The following NLGN4X variants were observed in gnomAD, a reference collection of about 807,000 sequenced individuals.
NLGN4X encodes the protein neuroligin 4 X-linked, also known as neuroligin-4, X-linked.
Under a neutral mutation model 40.3 loss-of-function variants are expected in NLGN4X, and 3 were observed. That is an observed-to-expected ratio of 0.07 (90% confidence interval 0.03 to 0.19). The LOEUF is 0.19. Ranked by LOEUF, NLGN4X falls within the 10% of genes least tolerant of loss-of-function variation. The pLI is 1.00. For missense variants in NLGN4X, 382 were observed against 708.3 expected (o/e 0.54, Z 5.23); for synonymous variants, 270 against 306.8 (o/e 0.88, Z 1.25).
At chrX:6,096,975 GTT>G (rs1208006433) in intron 2 of NLGN4X, among the ~76,000 whole-genome samples, 1 of 101,098 alleles carries the variant, frequency 9.9e-6, no homozygotes, top group South Asian at 4.3e-4. Flanking sequence ...GTGTGTGTGT[GTT>G]TTCTATCTTC....
At chrX:6,167,376 C>T (rs755094526) in intron 1 of NLGN4X, among the ~76,000 whole-genome samples, 1 of 112,354 alleles carries the variant, frequency 8.9e-6, no homozygotes, top group Non-Finnish European at 1.9e-5. Flanking sequence ...AGCTAGAGAG[C>T]AGTCCCAGCA....
chrX:5,925,881 C>T (rs4826823), intron 3 of NLGN4X, among the ~76,000 whole-genome samples: 1,937 of 18,920 alleles, frequency 0.1, 146 homozygotes, highest in East Asian at 0.28. Flanking sequence ...TACATACACA[C>T]ATATATATAT....
At chrX:6,068,820 C>T (rs1010256770) in intron 2 of NLGN4X, among the ~76,000 whole-genome samples, 1 of 111,242 alleles carries the variant, frequency 9.0e-6, no homozygotes, top group Non-Finnish European at 1.9e-5. Flanking sequence ...AAAGCAACGA[C>T]GTATTTGAAC....
intron 1 of NLGN4X, among the ~76,000 whole-genome samples, chrX:6,185,247 T>C (rs1248772030): frequency 8.9e-6 from 1 of 112,197 alleles, no homozygotes; most frequent in Non-Finnish European, 1.9e-5. Context: ...ATGGATCATG[T>C]TACCTTCTAC....
At chrX:6,126,211 A>T (rs2039542076) in intron 2 of NLGN4X, among the ~76,000 whole-genome samples, 1 of 111,443 alleles carries the variant, frequency 9.0e-6, no homozygotes, top group Admixed American at 9.6e-5. Flanking sequence ...ATTATCTGAT[A>T]ATGACTGCAT....
intron 1 of NLGN4X, among the ~76,000 whole-genome samples, chrX:6,182,134 A>G (rs1921516562): frequency 8.9e-6 from 1 of 112,008 alleles, no homozygotes; most frequent in South Asian, 3.7e-4. Context: ...AACATGCCTG[A>G]GACACAGGAT....
chrX:6,024,656 C>A lies in NLGN4X; in HGVS notation c.625+4624G>T, dbSNP rs183334183. On this transcript the variant is annotated intron_variant, in intron 3 of 5. Transcript: ENST00000381095. The stretch of plus-strand genomic sequence containing the variant: ...CTGGTCATCCTCACTACTCATTATA[C>A]GCTAATTATACACTAATTACAATGC... 6.5e-3 allele frequency among the ~76,000 whole-genome samples: 719 copies of A among 111,270 alleles called. 2 individuals are homozygous for A. Among genetic ancestry groups the A allele is most frequent in the Non-Finnish European group, 0.01 (538 of 53,046 alleles).
At chrX:6,003,250 T>C (rs749300899) in intron 3 of NLGN4X, among the ~76,000 whole-genome samples, 3 of 112,028 alleles carry the variant, frequency 2.7e-5, no homozygotes, top group Non-Finnish European at 5.6e-5. Context: ...TGAAGTAAGC[T>C]TACAGTGGCG....
At chrX:6,054,594 G>A (rs1027654048) in intron 2 of NLGN4X, among the ~76,000 whole-genome samples, 3 of 111,163 alleles carry the variant, frequency 2.7e-5, no homozygotes, top group Non-Finnish European at 5.7e-5. Flanking sequence ...CAATCTGAAA[G>A]ACAGAGCAAG....
At chrX:6,182,616 T>A (rs990926406) in intron 1 of NLGN4X, among the ~76,000 whole-genome samples, 1 of 111,712 alleles carries the variant, frequency 9.0e-6, no homozygotes, top group Non-Finnish European at 1.9e-5. Flanking sequence ...AAGTTAAGGA[T>A]TTTGAGATAA....
intron 2 of NLGN4X, among the ~76,000 whole-genome samples, chrX:6,130,776 T>C (rs1439449478): frequency 8.9e-6 from 1 of 112,281 alleles, no homozygotes; most frequent in Non-Finnish European, 1.9e-5. Flanking sequence ...ATCAAGAACA[T>C]GTAAAAATGT....
At chrX:5,933,663 G>T (rs2033635251) in intron 3 of NLGN4X, among the ~76,000 whole-genome samples, 1 of 111,584 alleles carries the variant, frequency 9.0e-6, no homozygotes, top group Non-Finnish European at 1.9e-5. Context: ...ATGACAGGTA[G>T]AAACTTATGT....
At chrX:5,920,261 A>T (rs1173320489) in intron 3 of NLGN4X, among the ~76,000 whole-genome samples, 1 of 112,571 alleles carries the variant, frequency 8.9e-6, no homozygotes, top group African/African-American at 3.2e-5. Context: ...AGGAAATGTG[A>T]AAGAACGTTA....
rs758645702 is a variant in NLGN4X, at chrX:5,931,776, G to A, written c.626-22537C>T. On this transcript the variant is annotated intron_variant, in intron 3 of 5. Coordinates refer to ENST00000381095, the MANE Select transcript of NLGN4X (RefSeq NM_181332.3). ...TCAATCTGCGGAAAGAGCAATAATA[G>A]AACATGAAATCAGTAAGCTATAAGC... Among the ~76,000 whole-genome samples the A allele has an allele frequency of 2.1e-4, 23 of 111,643 alleles. No homozygotes were observed. The South Asian group carries it at 4.6e-3, about 22-fold the overall frequency.
At chrX:6,021,220 G>A (rs1192021327) in intron 3 of NLGN4X, among the ~76,000 whole-genome samples, 3 of 107,876 alleles carry the variant, frequency 2.8e-5, no homozygotes, top group Admixed American at 1.0e-4. Flanking sequence ...GGGATTACAG[G>A]TGAGAGCCAC....
At chrX:6,046,681 G>C (rs1255155222) in intron 2 of NLGN4X, among the ~76,000 whole-genome samples, 6 of 110,014 alleles carry the variant, frequency 5.5e-5, no homozygotes, top group African/African-American at 2.0e-4. Flanking sequence ...ACGATTATAT[G>C]GTCAGCTTTT....
At chrX:6,100,096 T>C (rs2038872628) in intron 2 of NLGN4X, among the ~76,000 whole-genome samples, 1 of 112,600 alleles carries the variant, frequency 8.9e-6, no homozygotes, top group African/African-American at 3.2e-5. Flanking sequence ...AGGGATGGGC[T>C]GAAATAAAGG....
At chrX:6,105,430 GC>G (rs200698665) in intron 2 of NLGN4X, among the ~76,000 whole-genome samples, 10,339 of 98,088 alleles carry the variant, frequency 0.11, 458 homozygotes, top group Non-Finnish European at 0.13. Flanking sequence ...TAAAGCACAA[GC>G]AAAAAAAAAA....
chrX:5,977,492 G>T (rs1458498172), intron 3 of NLGN4X, among the ~76,000 whole-genome samples: 1 of 111,041 alleles, frequency 9.0e-6, no homozygotes. Flanking sequence ...CAAATGCCAG[G>T]ATTACAGGCA....
Sources: gnomAD v4.1 joint callset for allele counts (sites outside exome capture counted in the v4.1 genomes callset) on GRCh38, gnomAD v4.1.1 for gene constraint, MANE v1.5 for transcripts, NCBI Gene and HGNC (gene_info 2026-07-23, HGNC 2026-07-21) for gene names.